CELF5: variants seen among roughly 807,000 people sequenced by gnomAD.
The protein encoded by CELF5 is CUGBP Elav-like family member 5.
CELF5 carries 6 observed loss-of-function variants against 54.9 expected under a neutral mutation model. The ratio of observed to expected loss-of-function variants is 0.11; its 90% CI spans 0.06 to 0.22. CELF5 has a LOEUF of 0.22. Ranked by LOEUF, CELF5 falls within the 10% of genes least tolerant of loss-of-function variation. CELF5 has a pLI of 1.00. For synonymous variants in CELF5, 271 were observed against 290.9 expected (o/e 0.93, Z 0.70); for missense variants, 401 against 678.6 (o/e 0.59, Z 4.54).
At chr19:3,230,190 A>G (rs756555458) in intron 1 of CELF5, among the ~76,000 whole-genome samples, 5 of 152,134 alleles carry the variant, frequency 3.3e-5, no homozygotes, top group Non-Finnish European at 7.3e-5. Context: ...AGAGCTAGAC[A>G]TTGGCACCTA....
intron 1 of CELF5, 37 bp downstream of exon 1, chr19:3,225,035 T>G (rs746025572): frequency 8.3e-5 from 85 of 1,024,824 alleles, no homozygotes; most frequent in Non-Finnish European, 9.9e-5. Flanking sequence ...TCCCCCTCCC[T>G]CCGCCTCCCA....
chr19:3,285,772 C>T (rs1253429859), intron 9 of CELF5, among the ~76,000 whole-genome samples, 170 bp from the exon 10 acceptor site: 1 of 149,618 alleles, frequency 6.7e-6, no homozygotes, highest in Non-Finnish European at 1.5e-5. Context: ...CTTGGCCCCG[C>T]CCTCTGGCCT....
chr19:3,280,782 CA>C (rs2080136561), intron 5 of CELF5, among the ~76,000 whole-genome samples: 2 of 152,208 alleles, frequency 1.3e-5, no homozygotes, highest in South Asian at 4.2e-4. Context: ...TGTGGGGTGA[CA>C]ATGGCAGGTT....
intron 2 of CELF5, among the ~76,000 whole-genome samples, chr19:3,262,255 C>T (rs2079815983): frequency 6.6e-6 from 1 of 152,286 alleles, no homozygotes; most frequent in Non-Finnish European, 1.5e-5. Context: ...TCTCAAACTC[C>T]TGACCTCAGG....
intron 12 of CELF5, chr19:3,296,191 A>T (rs1357206811): frequency 6.6e-6 from 1 of 151,544 alleles, no homozygotes; most frequent in Non-Finnish European, 1.5e-5. Flanking sequence ...TGTCTTTGTG[A>T]GGGTGCCTCT....
At chr19:3,260,974 A>G (rs2079800835) in intron 2 of CELF5, among the ~76,000 whole-genome samples, 1 of 151,786 alleles carries the variant, frequency 6.6e-6, no homozygotes, top group Non-Finnish European at 1.5e-5. Context: ...TACATTGCCC[A>G]GGCTGGTCTC....
At chr19:3,230,182 AGCTAGACATTG>A (rs1200849266) in intron 1 of CELF5, among the ~76,000 whole-genome samples, 1 of 152,176 alleles carries the variant, frequency 6.6e-6, no homozygotes, top group Non-Finnish European at 1.5e-5. Flanking sequence ...CTGAGGCCAG[AGCTAGACATTG>A]GCACCTATAG....
chr19:3,253,062 G>A lies in CELF5; in HGVS notation c.342+1995G>A, dbSNP rs573814704. 5.9e-5 allele frequency among the ~76,000 whole-genome samples: 9 copies of A among 151,338 alleles called. 1 individual carries two copies. The highest frequency in any genetic ancestry group is 2.2e-4 in the African/African-American group (9 of 41,184). On this transcript the variant is annotated intron_variant, in intron 2 of 12. Coordinates refer to ENST00000292672, the MANE Select transcript of CELF5 (RefSeq NM_021938.4). The stretch of plus-strand genomic sequence containing the variant: ...CACTGTTCATCTTGGACCTTCTGCT[G>A]GTGCCTACCCAAACCAACCAGAAGC...
chr19:3,247,550 C>G (rs2079584430), intron 1 of CELF5, among the ~76,000 whole-genome samples: 1 of 151,508 alleles, frequency 6.6e-6, no homozygotes, highest in Non-Finnish European at 1.5e-5. Flanking sequence ...GCATGAGCCA[C>G]TGCGCCCGGT....
intron 12 of CELF5, 158 bp downstream of exon 12, chr19:3,293,644 T>C (rs563700195): frequency 5.0e-5 from 31 of 622,892 alleles, no homozygotes; most frequent in Non-Finnish European, 8.0e-5. Flanking sequence ...CAGAGCTGGA[T>C]GTAGACACCC....
At chr19:3,277,396 C>T (rs1469891631) in intron 4 of CELF5, among the ~76,000 whole-genome samples, 2 of 152,112 alleles carry the variant, frequency 1.3e-5, no homozygotes, top group Non-Finnish European at 2.9e-5. Context: ...TGCTTGAACC[C>T]GGGAGGCAGA....
chr19:3,225,492 C>A, intron 1 of CELF5: 2 of 798,944 alleles, frequency 2.5e-6, no homozygotes, highest in South Asian at 5.9e-5. Flanking sequence ...TTCATTCAGC[C>A]TCCCCAGGCC....
chr19:3,255,890 C>T (rs2079717887), intron 2 of CELF5, among the ~76,000 whole-genome samples: 1 of 151,946 alleles, frequency 6.6e-6, no homozygotes, highest in Non-Finnish European at 1.5e-5. Context: ...CATGGTGAAA[C>T]CCCATCTCTG....
At chr19:3,251,662 T>TG (rs1469914928) in intron 2 of CELF5, among the ~76,000 whole-genome samples, 30 of 134,628 alleles carry the variant, frequency 2.2e-4, no homozygotes, top group African/African-American at 7.7e-4. Flanking sequence ...CTTTTTTTTT[T>TG]TTTTTTTTTT....
At chr19:3,259,661 T>C (rs1363414100) in intron 2 of CELF5, among the ~76,000 whole-genome samples, 1 of 151,974 alleles carries the variant, frequency 6.6e-6, no homozygotes, top group African/African-American at 2.4e-5. Flanking sequence ...TCATGGGACA[T>C]AGTCTCTTGG....
chr19:3,293,533 C>G, intron 12 of CELF5, 47 bp downstream of exon 12: 1 of 1,458,108 alleles, frequency 6.9e-7, no homozygotes, highest in Non-Finnish European at 9.2e-7. Flanking sequence ...CCCGTCTTGT[C>G]TGAAACCCCC....
intron 2 of CELF5, among the ~76,000 whole-genome samples, chr19:3,271,386 G>A (rs1369464295): frequency 1.3e-5 from 2 of 152,194 alleles, no homozygotes; most frequent in African/African-American, 4.8e-5. Context: ...CATGGGTGAT[G>A]TGGGGTGGGA....
Position 3,285,984 on chromosome 19 carries a change from TC to T in CELF5, c.1150del (p.Gln384SerfsTer33). 6.3e-7 allele frequency: 1 copy of T among 1,581,644 alleles called. No homozygotes were observed. The highest frequency in any genetic ancestry group is 8.5e-7 in the Non-Finnish European group (1 of 1,171,374). On this transcript the variant is annotated frameshift_variant, in exon 10 of 13. Transcript: ENST00000292672. LOFTEE classifies it high-confidence loss of function. ...GCCATCACGCCCATCGCGCACAGCG[TC>T]CCCCAGCCGCCGCCCCTCCTGCAGC... Reference protein sequence around the residue: ...TAAITPIAHSVPQPPPLLQQQ... With the variant: ...TAAITPIAHSXPQPPPLLQQQ...
intron 1 of CELF5, among the ~76,000 whole-genome samples, chr19:3,235,313 C>CT (rs369401628): frequency 0.038 from 5,593 of 148,618 alleles, 331 homozygotes; most frequent in African/African-American, 0.13. Flanking sequence ...TCCTCCTTTC[C>CT]TTTTTTTTTT....
Sources: gnomAD v4.1 joint callset for allele counts (sites outside exome capture counted in the v4.1 genomes callset) on GRCh38, gnomAD v4.1.1 for gene constraint, MANE v1.5 for transcripts, NCBI Gene and HGNC (gene_info 2026-07-23, HGNC 2026-07-21) for gene names.